PCDH15: variants seen among roughly 807,000 people sequenced by gnomAD.
PCDH15 encodes protocadherin-15.
PCDH15 carries 129 observed loss-of-function variants against 178.5 expected under a neutral mutation model. The observed-to-expected ratio is 0.72, with a 90% confidence interval of 0.63 to 0.84. The LOEUF (loss-of-function observed/expected upper bound fraction) is 0.84, where lower values mean the gene tolerates loss of function less well. Ranked by LOEUF, PCDH15 falls within the 40% of genes least tolerant of loss-of-function variation. The probability of loss-of-function intolerance (pLI) is 0.00; values close to 1 mark genes in which losing one functional copy is unlikely to be tolerated. For synonymous variants in PCDH15, 800 were observed against 732.0 expected (o/e 1.09, Z -1.50); for missense variants, 2,230 against 2,099.9 (o/e 1.06, Z -1.21).
chr10:54,417,330 T>C (rs1166336551), intron 3 of PCDH15, among the ~76,000 whole-genome samples: 1 of 152,178 alleles, frequency 6.6e-6, no homozygotes, highest in Non-Finnish European at 1.5e-5. Flanking sequence ...ACTGGGACTT[T>C]TCTCTCACAG....
At chr10:55,028,935 T>C (rs1840543434) in intron 2 of PCDH15, among the ~76,000 whole-genome samples, 1 of 151,796 alleles carries the variant, frequency 6.6e-6, no homozygotes. Flanking sequence ...TTTCACGTAA[T>C]CATAGTGAAA....
intron 2 of PCDH15, among the ~76,000 whole-genome samples, chr10:54,545,530 T>C (rs2154265): frequency 0.32 from 48,066 of 151,664 alleles, 8,099 homozygotes; most frequent in Middle Eastern, 0.42. Context: ...TATAAGTTGT[T>C]TCTATATAAA....
intron 8 of PCDH15, among the ~76,000 whole-genome samples, chr10:54,297,000 G>A (rs556652170): frequency 1.8e-4 from 28 of 152,232 alleles, no homozygotes; most frequent in Non-Finnish European, 2.5e-4. Context: ...TGTGGTCTAG[G>A]AGGAAAACTA....
chr10:54,834,728 T>A (rs895198450), intron 3 of PCDH15, among the ~76,000 whole-genome samples: 4 of 152,316 alleles, frequency 2.6e-5, no homozygotes, highest in African/African-American at 7.2e-5. Flanking sequence ...ATGTGATCCA[T>A]TTAGACAGGA....
chr10:54,758,136 TTTG>T (rs1313007383), intron 1 of PCDH15, among the ~76,000 whole-genome samples: 4 of 152,204 alleles, frequency 2.6e-5, no homozygotes, highest in Non-Finnish European at 5.9e-5. Flanking sequence ...TACCATGTAG[TTTG>T]TTAACTTTAA....
rs80272302 is a variant in PCDH15 at position 55,107,793 on chromosome 10, G to A, written c.-80+58783C>T. Among the ~76,000 whole-genome samples the A allele has an allele frequency of 1.9e-3, 276 of 146,718 alleles. 2 individuals are homozygous for A. The highest frequency in any genetic ancestry group is 6.2e-3 in the African/African-American group (245 of 39,804). ...ATTACAGGCGTGAATCACCACATCC[G>A]GCCTTACAGTTACTGTTTTCATAAT... On this transcript the variant is annotated intron_variant, in intron 2 of 5. Transcript: ENST00000458638.
chr10:54,346,301 G>C, intron 6 of PCDH15, 64 bp downstream of exon 6: 1 of 1,491,722 alleles, frequency 6.7e-7, no homozygotes, highest in Non-Finnish European at 9.3e-7. Context: ...ATAACTATCA[G>C]CTGAAAAAAT....
chr10:54,722,409 T>C (rs887684040), intron 1 of PCDH15, among the ~76,000 whole-genome samples: 1 of 151,664 alleles, frequency 6.6e-6, no homozygotes, highest in Admixed American at 6.6e-5. Flanking sequence ...TTCTCTTATC[T>C]CTTGGTTAAT....
At chr10:54,702,791 G>A (rs1326773534) in intron 1 of PCDH15, among the ~76,000 whole-genome samples, 1 of 152,028 alleles carries the variant, frequency 6.6e-6, no homozygotes, top group Non-Finnish European at 1.5e-5. Context: ...AAGAAGAGCT[G>A]CATCATTTCT....
intron 2 of PCDH15, among the ~76,000 whole-genome samples, chr10:55,439,321 T>C (rs550661984): frequency 2.6e-5 from 4 of 152,272 alleles, no homozygotes; most frequent in African/African-American, 9.6e-5. Context: ...TTTCTTTCAC[T>C]GGACAAGTAT....
intron 2 of PCDH15, among the ~76,000 whole-genome samples, chr10:54,540,294 C>A (rs576838895): frequency 6.6e-6 from 1 of 152,106 alleles, no homozygotes; most frequent in African/African-American, 2.4e-5. Context: ...AGAGAAGATC[C>A]AGATAAGCAC....
intron 6 of PCDH15, among the ~76,000 whole-genome samples, chr10:54,337,168 T>C (rs1365390079): frequency 1.3e-5 from 2 of 152,128 alleles, no homozygotes; most frequent in East Asian, 3.9e-4. Context: ...AGGAAGTAAC[T>C]AACTTACTTT....
rs938042449 is a variant in PCDH15, at chr10:54,578,170, G to A, written c.92-50293C>T. ...TTTTTGAAGTACTTTTTAAATTTCT[G>A]GTGTAAATTCTGGCATGTAGTTCTT... On this transcript the variant is annotated intron_variant, in intron 2 of 37. Transcript: ENST00000644397. Among the ~76,000 whole-genome samples, 9 of 151,996 alleles carry A rather than the reference G, an allele frequency of 5.9e-5. No homozygotes were observed. In the East Asian group the frequency reaches 1.7e-3, roughly 29 times the overall value.
At position 54,239,432 on chromosome 10, in the gene PCDH15, T is replaced by TAGAGAGAGAG. The variant is rs370848123; in HGVS notation, c.877-2502_877-2501insCTCTCTCTCT. On this transcript the variant is annotated intron_variant, in intron 8 of 37. Coordinates refer to ENST00000644397, the MANE Select transcript of PCDH15 (RefSeq NM_001384140.1). ...GTGATTAAATATATATATATATATA[T>TAGAGAGAGAG]AGAGTAAGAACTGAAGAACTAAAAA... Among the ~76,000 whole-genome samples, 482 of 150,638 alleles carry TAGAGAGAGAG rather than the reference T, an allele frequency of 3.2e-3. 3 individuals carry two copies. The highest frequency in any genetic ancestry group is 0.011 in the African/African-American group (457 of 41,052).
intron 2 of PCDH15, among the ~76,000 whole-genome samples, chr10:54,645,348 A>T (rs1053455274): frequency 6.6e-6 from 1 of 152,252 alleles, no homozygotes; most frequent in East Asian, 1.9e-4. Flanking sequence ...TAAATAGAAA[A>T]GTGAGAATAG....
intron 2 of PCDH15, among the ~76,000 whole-genome samples, chr10:54,556,154 T>G (rs2087236887): frequency 6.6e-6 from 1 of 152,342 alleles, no homozygotes; most frequent in East Asian, 1.9e-4. Context: ...CAAAATTCTA[T>G]ATTATTTTAA....
intron 3 of PCDH15, among the ~76,000 whole-genome samples, chr10:54,868,871 T>C (rs1158317082): frequency 6.6e-6 from 1 of 152,092 alleles, no homozygotes; most frequent in Non-Finnish European, 1.5e-5. Flanking sequence ...ACATATAAGA[T>C]ACAAAAGAAG....
In PCDH15 at chr10:54,090,069, G is replaced by A. The variant is rs776285978; in HGVS notation, c.1918-6C>T. 3.1e-6 allele frequency: 5 copies of A among 1,602,854 alleles called. 1 individual carries two copies. In the Admixed American group the frequency reaches 8.3e-5, roughly 27 times the overall value. On this transcript the variant is annotated splice_region_variant and splice_polypyrimidine_tract_variant and intron_variant, in intron 15 of 37. Coordinates refer to ENST00000644397, the MANE Select transcript of PCDH15 (RefSeq NM_001384140.1). ...TCTCCCTCTCGATCAGTTGCCTTCA[G>A]AGAGAAAACATAATTCAATTATCAA...
At chr10:54,283,837 G>T (rs1393397328) in intron 8 of PCDH15, among the ~76,000 whole-genome samples, 1 of 151,918 alleles carries the variant, frequency 6.6e-6, no homozygotes, top group African/African-American at 2.4e-5. Context: ...GAGAAGACAT[G>T]ATTTTATTTA....
Sources: gnomAD v4.1 joint callset for allele counts (sites outside exome capture counted in the v4.1 genomes callset) on GRCh38, gnomAD v4.1.1 for gene constraint, MANE v1.5 for transcripts, NCBI Gene and HGNC (gene_info 2026-07-23, HGNC 2026-07-21) for gene names.